Variants in TMEM59 observed in about 807,000 individuals in gnomAD.
TMEM59 encodes the protein dendritic cell factor 1.
TMEM59 carries 44 observed loss-of-function variants against 42.2 expected under a neutral mutation model. That is an observed-to-expected ratio of 1.04 (90% CI 0.82 to 1.34). TMEM59 has a LOEUF of 1.34. Ranked by LOEUF, TMEM59 falls within the 40% of genes most tolerant of loss-of-function variation. The probability of loss-of-function intolerance (pLI) is 0.00; values close to 1 mark genes in which losing one functional copy is unlikely to be tolerated. For missense variants in TMEM59, 359 were observed against 382.8 expected (o/e 0.94, Z 0.52); for synonymous variants, 148 against 145.8 (o/e 1.02, Z -0.11).
At position 54,027,089 on chromosome 1, in the gene TMEM59, A is replaced by C. The variant is rs1656623252; in HGVS notation, c.*5061T>G. On this transcript the variant is annotated 3_prime_UTR_variant, in exon 8 of 8. Coordinates refer to ENST00000234831, the MANE Select transcript of TMEM59 (RefSeq NM_004872.5). ...CACCAACTTCTAACTGAAATATAAC[A>C]TTTCCTTCAATTACGAATATAGGAA... is the stretch of plus-strand genomic sequence containing the variant. 1 of 152,204 alleles carries C rather than the reference A, an allele frequency of 6.6e-6. No homozygotes were observed. 9.4% of individuals were successfully genotyped at this position (152,204 alleles called of 1,614,324 possible).
At chr1:54,051,651 A>G (rs10489446) in intron 1 of TMEM59, among the ~76,000 whole-genome samples, 5,947 of 152,276 alleles carry the variant, frequency 0.039, 255 homozygotes, top group African/African-American at 0.11. Context: ...TCTCAACCCA[A>G]TTCCAGGCCA....
At chr1:54,037,844 C>T (rs1657004671) in intron 6 of TMEM59, among the ~76,000 whole-genome samples, 1 of 152,212 alleles carries the variant, frequency 6.6e-6, no homozygotes, top group South Asian at 2.1e-4. Context: ...CCACTTTCCT[C>T]TCCATGTTCC....
At chr1:54,039,767 G>A (rs1384466596) in intron 6 of TMEM59, among the ~76,000 whole-genome samples, 1 of 151,960 alleles carries the variant, frequency 6.6e-6, no homozygotes, top group East Asian at 1.9e-4. Context: ...CTGACACCGA[G>A]TAGGTGATAG....
At chr1:54,035,854 T>C (rs900436333) in intron 7 of TMEM59, among the ~76,000 whole-genome samples, 2 of 152,212 alleles carry the variant, frequency 1.3e-5, no homozygotes, top group Non-Finnish European at 2.9e-5. Flanking sequence ...GCTCAAGTGA[T>C]CCTCCTGCCT....
chr1:54,032,973 T>A (rs1228397715), intron 7 of TMEM59, among the ~76,000 whole-genome samples: 3 of 151,516 alleles, frequency 2.0e-5, no homozygotes, highest in Non-Finnish European at 1.5e-5. Context: ...TTACCCAGGC[T>A]GGAGTGCAGT....
chr1:54,048,617 G>T, intron 1 of TMEM59: 1 of 402,314 alleles, frequency 2.5e-6, no homozygotes, highest in Non-Finnish European at 5.1e-6. Context: ...TTTAAAAAAA[G>T]CTATTGCATA....
chr1:54,036,507 C>T (rs1656954050), intron 7 of TMEM59, 103 bp downstream of exon 7: 1 of 798,874 alleles, frequency 1.3e-6, no homozygotes, highest in South Asian at 2.4e-5. Context: ...CATCTTCTCT[C>T]TTTCTATTAG....
rs1173050650 is a variant in TMEM59 at position 54,040,806 on chromosome 1, C to T, written c.657G>A (p.Arg219=). The T allele has an allele frequency of 3.1e-6, 5 of 1,613,614 alleles. No homozygotes were observed. The highest frequency in any genetic ancestry group is 1.7e-4 in the Middle Eastern group (1 of 6,056). Residue 219 remains arginine, a synonymous_variant, in exon 6 of 8, where the codon AGG becomes AGA. Coordinates refer to ENST00000234831, the MANE Select transcript of TMEM59 (RefSeq NM_004872.5). ...CACTTTCTCCATCTTCAAGAAAATT[C>T]CTGTGCGCTTGTGAATTTCTCATTT... The part of the protein sequence containing the change: ...YLQMRNSQAH[R]NFLEDGESDG...
intron 6 of TMEM59, among the ~76,000 whole-genome samples, chr1:54,040,200 T>C (rs543082491): frequency 6.6e-6 from 1 of 152,230 alleles, no homozygotes; most frequent in Non-Finnish European, 1.5e-5. Context: ...TTACCTAGGC[T>C]GGAGTGCTGT....
At chr1:54,036,806 A>C in intron 6 of TMEM59, 88 bp from the exon 7 acceptor site, 28 of 779,690 alleles carry the variant, frequency 3.6e-5, no homozygotes, top group Non-Finnish European at 4.5e-5. Context: ...TACTTAGCTC[A>C]ACAGTACAAT....
chr1:54,047,478 TC>T, intron 1 of TMEM59, 106 bp from the exon 2 acceptor site: 1 of 869,710 alleles, frequency 1.1e-6, no homozygotes, highest in Non-Finnish European at 1.8e-6. Flanking sequence ...TTACAAATCG[TC>T]CAGTAAGTTT....
chr1:54,050,568 T>TTCTTTC (rs1206908199), intron 1 of TMEM59, among the ~76,000 whole-genome samples: 5 of 144,174 alleles, frequency 3.5e-5, no homozygotes, highest in East Asian at 2.0e-4. Context: ...ATATGTTTCT[T>TTCTTTC]TTTTTTTTTT....
rs1656748797 is a variant in TMEM59 at position 54,030,980 on chromosome 1, A to C, written c.*1170T>G. 1 of 152,204 alleles carries C rather than the reference A, an allele frequency of 6.6e-6. No homozygotes were observed. Among genetic ancestry groups the C allele is most frequent in the African/African-American group, 2.4e-5 (1 of 41,440 alleles). The allele number at this position is 152,204 out of a possible 1,614,324, so 9.4% of individuals were successfully genotyped here. A position where few individuals can be genotyped will look rare whatever the true frequency, so the allele number is the denominator to read the frequency against. ...TAGAATTCTGGTGTAGGCTGGGCAC[A>C]GTCACTCACGCCTGTAATCCCAGCA... On this transcript the variant is annotated 3_prime_UTR_variant, in exon 8 of 8. Transcript: ENST00000234831.
chr1:54,047,781 C>T (rs1018618440), intron 1 of TMEM59: 3 of 213,156 alleles, frequency 1.4e-5, no homozygotes, highest in Non-Finnish European at 1.8e-5. Context: ...GACTATATAG[C>T]GAGACCCCAT....
intron 1 of TMEM59, among the ~76,000 whole-genome samples, chr1:54,052,253 G>C (rs1657569301): frequency 6.6e-6 from 1 of 152,168 alleles, no homozygotes; most frequent in Non-Finnish European, 1.5e-5. Context: ...GTAATTAAAA[G>C]AAAGGGGGGA....
At position 54,041,817 on chromosome 1, in the gene TMEM59, A is replaced by G; in HGVS notation, c.544-12T>C. 2 of 1,605,886 alleles carry G rather than the reference A, an allele frequency of 1.2e-6. No homozygotes were observed. The highest frequency in any genetic ancestry group is 1.7e-6 in the Non-Finnish European group (2 of 1,174,332). ...ATTTCTGGCTTAGACTAAAATAATA[A>G]TGAAAGCAATTAAGTCATTTGTACT... On this transcript the variant is annotated splice_polypyrimidine_tract_variant and intron_variant, in intron 4 of 7. Transcript: ENST00000234831.
chr1:54,045,764 T>C lies in TMEM59; in HGVS notation c.318A>G (p.Gln106=). The C allele has an allele frequency of 1.2e-6, 2 of 1,613,920 alleles. No homozygotes were observed. Among genetic ancestry groups the C allele is most frequent in the Non-Finnish European group, 1.7e-6 (2 of 1,179,934 alleles). The change falls in exon 3 of 8, where the codon CAA becomes CAG. Residue 106 remains glutamine, a synonymous_variant. Transcript: ENST00000234831. The stretch of plus-strand genomic sequence containing the variant: ...GATGGCAAGCATATTGCTCATCAGA[T>C]TGGGAATATGCTTCTGTACATGCTG... The part of the protein sequence containing the change: ...CESACTEAYS[Q]SDEQYACHLG...
Position 54,041,768 on chromosome 1 carries a change from T to C in TMEM59, c.581A>G (p.Gln194Arg), listed in dbSNP as rs1390385238. ...PEIQYAPHLE[Q>R]EPTNLRESSL... ...TGATTCTCTCAAATTTGTAGGCTCC[T>C]GCTCCAAATGTGGTGCGTACTGGAT... The change falls in exon 5 of 8, where the codon CAG (glutamine) becomes CGG (arginine). Residue 194 changes from glutamine to arginine, a missense_variant. By Grantham distance (43) the Gln-to-Arg change is conservative (BLOSUM62 1). Transcript: ENST00000234831. 6.2e-7 allele frequency: 1 copy of C among 1,613,802 alleles called. No homozygotes were observed. Among genetic ancestry groups the C allele is most frequent in the South Asian group, 1.1e-5 (1 of 91,040 alleles).
chr1:54,046,360 T>C lies in TMEM59; in HGVS notation c.296-574A>G, dbSNP rs769961826. 4.6e-5 allele frequency among the ~76,000 whole-genome samples: 7 copies of C among 152,138 alleles called. No homozygotes were observed. The East Asian group carries it at 7.7e-4, about 17-fold the overall frequency. On this transcript the variant is annotated intron_variant, in intron 2 of 7. Transcript: ENST00000234831. ...CCTAACATCTGAAAGTCTAAGAAAA[T>C]TGAACTAGAAAATGTTCTACAGCAG...
Sources: gnomAD v4.1 joint callset for allele counts (sites outside exome capture counted in the v4.1 genomes callset) on GRCh38, gnomAD v4.1.1 for gene constraint, MANE v1.5 for transcripts, NCBI Gene and HGNC (gene_info 2026-07-23, HGNC 2026-07-21) for gene names.